Variants in TNKS observed in about 807,000 individuals in gnomAD.
TNKS encodes tankyrase.
Under a neutral mutation model 135.8 loss-of-function variants are expected in TNKS, and 72 were observed. The observed-to-expected ratio is 0.53, with a 90% confidence interval of 0.44 to 0.64. The LOEUF (loss-of-function observed/expected upper bound fraction) is 0.64, where lower values mean the gene tolerates loss of function less well. Among genes scored for constraint, TNKS ranks in the 30% least tolerant of loss-of-function variants. The probability of loss-of-function intolerance (pLI) is 0.00; values close to 1 mark genes in which losing one functional copy is unlikely to be tolerated. For missense variants in TNKS, 1,769 were observed against 1,674.0 expected, an observed-to-expected ratio of 1.06 and a Z score of -0.99; for synonymous variants, 849 against 649.3, an observed-to-expected ratio of 1.31 and a Z score of -4.68.
chr8:9,633,887 A>G (rs1296788090), intron 3 of TNKS, among the ~76,000 whole-genome samples: 3 of 152,138 alleles, frequency 2.0e-5, no homozygotes, highest in African/African-American at 7.2e-5. Context: ...GTCCCCATGT[A>G]TAGCTTGGCA....
intron 20 of TNKS, among the ~76,000 whole-genome samples, chr8:9,757,974 G>A (rs764291952): frequency 6.6e-6 from 1 of 152,124 alleles, no homozygotes; most frequent in Non-Finnish European, 1.5e-5. Flanking sequence ...AACTCACTGC[G>A]ACTAAATTTA....
chr8:9,707,153 G>A, intron 8 of TNKS, 156 bp downstream of exon 8: 2 of 683,832 alleles, frequency 2.9e-6, no homozygotes, highest in Non-Finnish European at 4.5e-6. Flanking sequence ...GAATTCCATG[G>A]GAATGTTATA....
At chr8:9,663,794 T>C (rs796814094) in intron 3 of TNKS, among the ~76,000 whole-genome samples, 5 of 152,320 alleles carry the variant, frequency 3.3e-5, no homozygotes, top group Admixed American at 1.3e-4. Flanking sequence ...AGGAGGTACA[T>C]AGGGCAAGGT....
At position 9,746,881 on chromosome 8, in the gene TNKS, C is replaced by CTTTTTT. The variant is rs10672387; in HGVS notation, c.2644-1129_2644-1124dup. Among the ~76,000 whole-genome samples, 63 of 117,180 alleles carry CTTTTTT rather than the reference C, an allele frequency of 5.4e-4. 6 individuals carry two copies. Among genetic ancestry groups the CTTTTTT allele is most frequent in the South Asian group, 3.7e-3 (13 of 3,528 alleles). 76.9% of individuals were successfully genotyped at this position (117,180 alleles called of 152,430 possible). On this transcript the variant is annotated intron_variant, in intron 17 of 26. Transcript: ENST00000310430. ...TCTGAGAGTTTCATACCTACTTAAACTTTTTTTTTTTTTTTTTTTGAGACG... is the reference window on the plus strand; with the variant it reads ...TCTGAGAGTTTCATACCTACTTAAACTTTTTTTTTTTTTTTTTTTTTTTTTGAGACG...
intron 3 of TNKS, among the ~76,000 whole-genome samples, chr8:9,664,472 C>T (rs1446521892): frequency 7.9e-5 from 12 of 152,314 alleles, no homozygotes; most frequent in Non-Finnish European, 8.8e-5. Flanking sequence ...CATTGGGCAT[C>T]CAATTTCAAC....
chr8:9,706,946 A>G lies in TNKS; in HGVS notation c.1405A>G (p.Lys469Glu), dbSNP rs1161370026. ...ADPTLVNCHGKSAVDMAPTPE... is the reference protein window; with the variant it reads ...ADPTLVNCHGESAVDMAPTPE... ...TCCTACATTAGTCAACTGCCATGGC[A>G]AAAGTGCTGTGGATATGGCTCCAAC... is the stretch of plus-strand genomic sequence containing the variant. The change falls in exon 8 of 27, where the codon AAA becomes GAA. Residue 469 changes from lysine (K) to glutamate (E), a missense_variant. Around this residue, in one of 5 missense-constraint regions of TNKS, gnomAD observed 523 missense variants for 541.0 expected, o/e 0.97. Transcript: ENST00000310430. 6.2e-7 allele frequency: 1 copy of G among 1,613,592 alleles called. No individual in the cohort carries two copies. Among genetic ancestry groups the G allele is most frequent in the East Asian group, 2.2e-5 (1 of 44,850 alleles).
intron 3 of TNKS, among the ~76,000 whole-genome samples, chr8:9,661,290 G>A (rs1258978634): frequency 1.3e-5 from 2 of 152,118 alleles, no homozygotes; most frequent in East Asian, 1.9e-4. Flanking sequence ...ATCCTAAGCT[G>A]AAAGAACAAA....
chr8:9,735,521 C>A (rs904053154), intron 17 of TNKS, 35 bp downstream of exon 17: 1 of 1,564,390 alleles, frequency 6.4e-7, no homozygotes, highest in Admixed American at 1.7e-5. Flanking sequence ...AGAAAACTGA[C>A]CGCACGCGGT....
Position 9,672,360 on chromosome 8 carries a change from C to T in TNKS, c.995-7591C>T, listed in dbSNP as rs568910477. 2.6e-5 allele frequency among the ~76,000 whole-genome samples: 4 copies of T among 151,982 alleles called. No individual in the cohort carries two copies. The East Asian group carries it at 7.8e-4, about 29-fold the overall frequency. ...ACATCTACCATATATTACAAAACAC[C>T]CCCCGTGGAGACTGGGGCTGTACTA... On this transcript the variant is annotated intron_variant, in intron 3 of 26. Transcript: ENST00000310430.
At chr8:9,660,792 A>T (rs1166627608) in intron 3 of TNKS, among the ~76,000 whole-genome samples, 2 of 152,222 alleles carry the variant, frequency 1.3e-5, no homozygotes, top group East Asian at 1.9e-4. Flanking sequence ...AGAGGAAGTC[A>T]GATTGTCCCT....
intron 9 of TNKS, 44 bp downstream of exon 9, chr8:9,708,536 A>C (rs769041879): frequency 3.9e-5 from 56 of 1,425,884 alleles, no homozygotes; most frequent in Non-Finnish European, 5.0e-5. Context: ...TATAATAATA[A>C]CGTAAGCACA....
At chr8:9,769,795 A>G (rs1042031051) in intron 25 of TNKS, among the ~76,000 whole-genome samples, 1 of 151,554 alleles carries the variant, frequency 6.6e-6, no homozygotes, top group African/African-American at 2.4e-5. Flanking sequence ...AACTTTTTGT[A>G]TTTTTAGTAG....
At chr8:9,618,258 C>T (rs1799726464) in intron 3 of TNKS, among the ~76,000 whole-genome samples, 1 of 152,142 alleles carries the variant, frequency 6.6e-6, no homozygotes, top group South Asian at 2.1e-4. Context: ...TTTTATAGAA[C>T]ATTTACAAAT....
intron 2 of TNKS, among the ~76,000 whole-genome samples, chr8:9,612,292 C>A (rs1033381656): frequency 6.6e-6 from 1 of 152,142 alleles, no homozygotes; most frequent in African/African-American, 2.4e-5. Context: ...AAACAACAGA[C>A]ATAGTTCTAA....
At chr8:9,717,264 G>A (rs1369740198) in intron 11 of TNKS, among the ~76,000 whole-genome samples, 5 of 151,074 alleles carry the variant, frequency 3.3e-5, no homozygotes, top group African/African-American at 1.2e-4. Context: ...TGATTACTAT[G>A]TCAGTATTGT....
chr8:9,663,183 C>G (rs1042594805), intron 3 of TNKS, among the ~76,000 whole-genome samples: 2 of 152,196 alleles, frequency 1.3e-5, no homozygotes. Flanking sequence ...CCTGCTCATC[C>G]ATTTTAGACT....
chr8:9,572,103 A>T (rs10102030), intron 1 of TNKS, among the ~76,000 whole-genome samples: 42,761 of 152,052 alleles, frequency 0.28, 6,381 homozygotes, highest in East Asian at 0.39. Flanking sequence ...TATAGACATA[A>T]GCTCACACAC....
intron 5 of TNKS, among the ~76,000 whole-genome samples, chr8:9,692,818 AGTGCCTGATCTTCATTAT>A (rs1803341151): frequency 6.6e-6 from 1 of 152,218 alleles, no homozygotes; most frequent in Non-Finnish European, 1.5e-5. Flanking sequence ...CTTCAATGAG[AGTGCCTGATCTTCATTAT>A]GGTACTACTT....
chr8:9,574,870 C>G (rs1268398451), intron 1 of TNKS: 1 of 180,856 alleles, frequency 5.5e-6, no homozygotes, highest in Non-Finnish European at 1.1e-5. Flanking sequence ...AGAAAGCTCC[C>G]CCGCGCCCCC....
Sources: allele counts gnomAD v4.1 joint callset (sites outside exome capture counted in the v4.1 genomes callset), GRCh38; gene constraint gnomAD v4.1.1; regional missense constraint gnomAD v4.1.1; transcripts MANE v1.5; gene names NCBI Gene and HGNC (gene_info 2026-07-23, HGNC 2026-07-21).